USP25: variants seen among roughly 807,000 people sequenced by gnomAD.
USP25 encodes the protein ubiquitin specific peptidase 25.
In USP25, 85 loss-of-function variants were observed where a neutral mutation model predicts 158.5. That is an observed-to-expected ratio of 0.54 (90% confidence interval 0.45 to 0.64). The LOEUF (loss-of-function observed/expected upper bound fraction) is 0.64, where lower values mean the gene tolerates loss of function less well. USP25 is among the 30% of genes least tolerant of loss of function. USP25 has a pLI of 0.00. For missense variants in USP25, 1,242 were observed against 1,327.3 expected, an observed-to-expected ratio of 0.94 and a Z score of 1.00; for synonymous variants, 464 against 460.4, an observed-to-expected ratio of 1.01 and a Z score of -0.10.
At chr21:15,842,671 G>A in intron 18 of USP25, 131 bp downstream of exon 18, 1 of 1,097,348 alleles carries the variant, frequency 9.1e-7, no homozygotes. Context: ...GGCATGATCA[G>A]TGACCATGGG....
In USP25 at chr21:15,826,969, T is replaced by C. The variant is rs753168823; in HGVS notation, c.1467-8T>C. 2 of 1,612,630 alleles carry C rather than the reference T, an allele frequency of 1.2e-6. No individual in the cohort carries two copies. Among genetic ancestry groups the C allele is most frequent in the South Asian group, 2.2e-5 (2 of 91,072 alleles). The stretch of plus-strand genomic sequence containing the variant: ...GGTTAATAAGAAATACTCTATGCTT[T>C]GATACAGCACAACAGAACAACAGGG... On this transcript the variant is annotated splice_polypyrimidine_tract_variant and splice_region_variant and intron_variant, in intron 13 of 25. Transcript: ENST00000400183. The surrounding 1 kb of genome is among the most constrained non-coding windows in gnomAD (Gnocchi z 4.8).
chr21:15,840,532 G>A (rs1192666885), intron 17 of USP25, among the ~76,000 whole-genome samples: 4 of 152,126 alleles, frequency 2.6e-5, no homozygotes, highest in African/African-American at 4.8e-5. Flanking sequence ...CCGTGACAAC[G>A]AAACCACTCA....
At position 15,864,290 on chromosome 21, in the gene USP25, G is replaced by A. The variant is rs1458976662; in HGVS notation, c.2570G>A (p.Arg857Lys). 6.2e-7 allele frequency: 1 copy of A among 1,606,662 alleles called. No homozygotes were observed. The highest frequency in any genetic ancestry group is 1.1e-5 in the South Asian group (1 of 88,454). ...FFKAIKLEYA[R>K]LVKLAQEDTP... Reference sequence around the variant, plus strand: ...CAGGCAATTAAGTTGGAATATGCAAGGTTGGTTAAGTTGGCCCAAGAAGAC... The same window carrying A: ...CAGGCAATTAAGTTGGAATATGCAAAGTTGGTTAAGTTGGCCCAAGAAGAC... The change falls in exon 21 of 26, where the codon AGG (arginine) becomes AAG (lysine). Residue 857 changes from arginine (R) to lysine (K), a missense_variant. By Grantham distance (26) the Arg-to-Lys change is conservative. Coordinates refer to ENST00000400183, the MANE Select transcript of USP25 (RefSeq NM_001283041.3).
intron 1 of USP25, among the ~76,000 whole-genome samples, chr21:15,751,288 C>T (rs923465382): frequency 2.0e-5 from 3 of 152,038 alleles, no homozygotes; most frequent in Non-Finnish European, 2.9e-5. Flanking sequence ...TGTGCTTTAT[C>T]GTATCTAGAT....
At position 15,791,366 on chromosome 21, in the gene USP25, G is replaced by A. The variant is rs1032846004; in HGVS notation, c.393-136G>A. The A allele has an allele frequency of 4.2e-6, 4 of 949,396 alleles. No individual in the cohort carries two copies. The African/African-American group carries it at 5.1e-5, about 12-fold the overall frequency. The allele number at this position is 949,396 out of a possible 1,614,324, so 58.8% of individuals were successfully genotyped here. On this transcript the variant is annotated intron_variant, in intron 4 of 25. Transcript: ENST00000400183. ...TGACACTGCTAAAACGTGTATTTGA[G>A]TAAAGTTAGTATTAAATATTATTTC...
chr21:15,786,518 C>T lies in USP25; in HGVS notation c.393-4984C>T, dbSNP rs182118045. 5.3e-4 allele frequency among the ~76,000 whole-genome samples: 80 copies of T among 152,042 alleles called. 1 individual carries two copies. The highest frequency in any genetic ancestry group is 2.8e-3 in the Admixed American group (43 of 15,278). On this transcript the variant is annotated intron_variant, in intron 4 of 25. Coordinates refer to ENST00000400183, the MANE Select transcript of USP25 (RefSeq NM_001283041.3). Reference sequence around the variant, plus strand: ...CGATACATCACAGTAACAAAGAGAACGGAAACCATATAATTTCAGTAGATA... The same window carrying T: ...CGATACATCACAGTAACAAAGAGAATGGAAACCATATAATTTCAGTAGATA...
intron 20 of USP25, among the ~76,000 whole-genome samples, chr21:15,864,031 CTTTTTTTTTTTTTT>C (rs369749565): frequency 1.2e-5 from 1 of 85,640 alleles, no homozygotes; most frequent in African/African-American, 4.1e-5. Context: ...TGGGAGACTT[CTTTTTTTTTTTTTT>C]TTTTTTTTAA....
At chr21:15,763,220 A>G (rs1479171881) in intron 2 of USP25, among the ~76,000 whole-genome samples, 1 of 152,130 alleles carries the variant, frequency 6.6e-6, no homozygotes, top group Non-Finnish European at 1.5e-5. Flanking sequence ...TTTTTGTGCA[A>G]GATAGTGGGA....
At chr21:15,779,056 A>G (rs1046133772) in intron 4 of USP25, among the ~76,000 whole-genome samples, 2 of 152,134 alleles carry the variant, frequency 1.3e-5, no homozygotes, top group African/African-American at 4.8e-5. Context: ...GCAAAGGCAT[A>G]TAATTTTTTA....
intron 15 of USP25, 92 bp downstream of exon 15, chr21:15,830,693 C>T: frequency 9.3e-7 from 1 of 1,076,636 alleles, no homozygotes; most frequent in Non-Finnish European, 1.3e-6. Context: ...TTTTTCTTTA[C>T]ATGTTTTGTT....
In USP25 at chr21:15,799,823, G is replaced by A. The variant is rs774327614; in HGVS notation, c.622G>A (p.Asp208Asn). 1.2e-6 allele frequency: 2 copies of A among 1,603,486 alleles called. No homozygotes were observed. Among genetic ancestry groups the A allele is most frequent in the Non-Finnish European group, 1.7e-6 (2 of 1,173,922 alleles). Residue 208 changes from aspartate (D) to asparagine (N), a missense_variant, in exon 6 of 26, where the codon GAT becomes AAT. Physicochemically the swap from Asp to Asn is conservative, Grantham distance 23. Coordinates refer to ENST00000400183, the MANE Select transcript of USP25 (RefSeq NM_001283041.3). ...LNYKPPSNAQ[D>N]LPRNQKEHRN... Reference sequence around the variant, plus strand: ...TTACAAGCCTCCATCAAATGCTCAAGATTTACCCCGAAACCAAAAGGTAAA... The same window carrying A: ...TTACAAGCCTCCATCAAATGCTCAAAATTTACCCCGAAACCAAAAGGTAAA...
intron 1 of USP25, among the ~76,000 whole-genome samples, chr21:15,745,323 T>C (rs1431036132): frequency 6.6e-6 from 1 of 152,226 alleles, no homozygotes; most frequent in Non-Finnish European, 1.5e-5. Flanking sequence ...TCTTTTATCA[T>C]GTATATGTAA....
At chr21:15,866,535 G>A (rs530765129) in intron 22 of USP25, among the ~76,000 whole-genome samples, 191 bp downstream of exon 22, 3 of 152,170 alleles carry the variant, frequency 2.0e-5, no homozygotes, top group African/African-American at 7.2e-5. Flanking sequence ...ATGATAGCAT[G>A]TAGACCAAAA....
Position 15,826,284 on chromosome 21 carries a change from A to G in USP25, c.1385A>G (p.Lys462Arg). Residue 462 changes from lysine to arginine, a missense_variant, in exon 13 of 26, where the codon AAA (lysine) becomes AGA (arginine). Coordinates refer to ENST00000400183, the MANE Select transcript of USP25 (RefSeq NM_001283041.3). The surrounding 1 kb of genome is among the most constrained non-coding windows in gnomAD (Gnocchi z 4.8). ...LQYALEFASS[K>R]PVCTSPVDDI... is the part of the protein sequence containing the mutation. ...TATGCATTGGAATTTGCCTCAAGTA[A>G]ACCTGTTTGCACTTCTCCTGTTGAC... 2 of 1,614,002 alleles carry G rather than the reference A, an allele frequency of 1.2e-6. No homozygotes were observed. The highest frequency in any genetic ancestry group is 8.5e-7 in the Non-Finnish European group (1 of 1,179,962).
chr21:15,742,070 A>T (rs1332725853), intron 1 of USP25, among the ~76,000 whole-genome samples: 2 of 152,050 alleles, frequency 1.3e-5, no homozygotes, highest in African/African-American at 2.4e-5. Context: ...GTGGTGAGGT[A>T]AGTAAATTGG....
intron 3 of USP25, among the ~76,000 whole-genome samples, chr21:15,774,747 G>A (rs1352626778): frequency 2.0e-5 from 3 of 152,120 alleles, no homozygotes; most frequent in Non-Finnish European, 2.9e-5. Flanking sequence ...TTTTCGCCAA[G>A]AACATAATTC....
At position 15,777,999 on chromosome 21, in the gene USP25, A is replaced by G. The variant is rs767266652; in HGVS notation, c.364A>G (p.Ile122Val). 1 of 1,610,934 alleles carries G rather than the reference A, an allele frequency of 6.2e-7. No individual in the cohort carries two copies. The highest frequency in any genetic ancestry group is 1.3e-5 in the African/African-American group (1 of 74,924). ...AAACAGGGCATTCAGGGAGACTGGA[A>G]TAACTGATGAGGAACAAGCCATTAG... is the stretch of plus-strand genomic sequence containing the variant. ...ESNRAFRETG[I>V]TDEEQAISRV... Residue 122 changes from isoleucine to valine, a missense_variant, in exon 4 of 26, where the codon ATA becomes GTA. By Grantham distance (29) the Ile-to-Val change is conservative. Around this residue, in one of 3 missense-constraint regions of USP25, gnomAD observed 627 missense variants for 701.4 expected, o/e 0.89. Coordinates refer to ENST00000400183, the MANE Select transcript of USP25 (RefSeq NM_001283041.3).
chr21:15,776,560 C>T (rs975732781), intron 3 of USP25, among the ~76,000 whole-genome samples: 2 of 151,570 alleles, frequency 1.3e-5, no homozygotes, highest in African/African-American at 4.8e-5. Context: ...TTATCCTCCC[C>T]ATCCTCTATC....
chr21:15,762,929 G>A lies in USP25; in HGVS notation c.84G>A (p.Thr28=), dbSNP rs760842437. ...TTTTGAATCAACTGAGAGAAATTAC[G>A]GGGATTAATGACACCCAGATACTAC... is the stretch of plus-strand genomic sequence containing the variant. ...QTFLNQLREI[T]GINDTQILQQ... Residue 28 remains threonine, a synonymous_variant, in exon 2 of 26, where the codon ACG becomes ACA. Transcript: ENST00000400183. The A allele has an allele frequency of 1.6e-5, 26 of 1,612,520 alleles. No individual in the cohort carries two copies. Among genetic ancestry groups the A allele is most frequent in the South Asian group, 6.6e-5 (6 of 90,896 alleles).
Sources: allele counts gnomAD v4.1 joint callset (sites outside exome capture counted in the v4.1 genomes callset), GRCh38; gene constraint gnomAD v4.1.1; regional missense constraint gnomAD v4.1.1; non-coding constraint Gnocchi (gnomAD v3.1); transcripts MANE v1.5; gene names NCBI Gene and HGNC (gene_info 2026-07-23, HGNC 2026-07-21).